Variants in SORCS2 observed in about 807,000 individuals in gnomAD.
SORCS2 encodes the protein VPS10 domain-containing receptor SorCS2.
SORCS2 carries 100 observed loss-of-function variants against 141.6 expected under a neutral mutation model. The observed-to-expected ratio is 0.71, with a 90% CI of 0.60 to 0.83. SORCS2 has a LOEUF of 0.83. SORCS2 is among the 40% of genes least tolerant of loss of function. SORCS2 has a pLI of 0.00. For synonymous variants in SORCS2, 789 were observed against 676.9 expected (o/e 1.17, Z -2.57); for missense variants, 1,646 against 1,560.2 (o/e 1.05, Z -0.93).
At position 7,227,879 on chromosome 4, in the gene SORCS2, C is replaced by T. The variant is rs115079014; in HGVS notation, c.480+34753C>T. Among the ~76,000 whole-genome samples, 1,221 of 152,268 alleles carry T rather than the reference C, an allele frequency of 8.0e-3. 12 individuals carry two copies. The highest frequency in any genetic ancestry group is 0.027 in the African/African-American group (1,137 of 41,538). On this transcript the variant is annotated intron_variant, in intron 1 of 26. Transcript: ENST00000507866. The stretch of plus-strand genomic sequence containing the variant: ...GAGGGCAGCTCCCTCCCTGGAGGTG[C>T]GGTGGGCTCAGGGTGCCGGGGAGGG...
intron 1 of SORCS2, among the ~76,000 whole-genome samples, chr4:7,235,920 C>T (rs183847357): frequency 3.9e-5 from 6 of 152,220 alleles, no homozygotes; most frequent in Admixed American, 6.5e-5. Context: ...ACTCTAGGTG[C>T]GAGTGTAAGG....
rs575547414 is a variant in SORCS2, at chr4:7,592,375, G to A, written c.649-45953G>A. ...GCAGTAATGAGCTTAGGCTCTGAGC[G>A]TTGGTGTCCTCATTCAAGAAACGGG... On this transcript the variant is annotated intron_variant, in intron 3 of 26. Transcript: ENST00000507866. 3.9e-5 allele frequency among the ~76,000 whole-genome samples: 6 copies of A among 152,168 alleles called. No homozygotes were observed. The South Asian group carries it at 6.2e-4, about 16-fold the overall frequency.
rs558968441 is a variant in SORCS2, at chr4:7,341,551, A to G, written c.481-54737A>G. Among the ~76,000 whole-genome samples the G allele has an allele frequency of 2.0e-5, 3 of 152,148 alleles. No individual in the cohort carries two copies. The South Asian group carries it at 6.2e-4, about 32-fold the overall frequency. ...AGCAGGAGGTGCCCATGCTGCCTGGATGAACAAGGGACCAGGAACTGTTTT... is the reference window on the plus strand; with the variant it reads ...AGCAGGAGGTGCCCATGCTGCCTGGGTGAACAAGGGACCAGGAACTGTTTT... On this transcript the variant is annotated intron_variant, in intron 1 of 26. Transcript: ENST00000507866.
At chr4:7,239,848 A>T (rs952865555) in intron 1 of SORCS2, among the ~76,000 whole-genome samples, 22 of 152,218 alleles carry the variant, frequency 1.4e-4, no homozygotes, top group Admixed American at 5.2e-4. Context: ...GAATTTGTCA[A>T]TGAGGGTGAA....
rs557906662 is a variant in SORCS2 at position 7,401,223 on chromosome 4, A to G, written c.548+4868A>G. ...GATATATGGATGGATGGGTGGGTGG[A>G]TGGATGGATGGATGGACAGATGAAT... On this transcript the variant is annotated intron_variant, in intron 2 of 26. Transcript: ENST00000507866. Among the ~76,000 whole-genome samples the G allele has an allele frequency of 2.6e-5, 4 of 151,934 alleles. No individual in the cohort carries two copies. The South Asian group carries it at 6.3e-4, about 24-fold the overall frequency.
intron 2 of SORCS2, among the ~76,000 whole-genome samples, chr4:7,454,500 G>GTGTGTTGGGGTCAGATGC (rs1728728592): frequency 7.9e-6 from 1 of 127,336 alleles, no homozygotes; most frequent in African/African-American, 2.9e-5. Context: ...GTCAGGTGCT[G>GTGTGTTGGGGTCAGATGC]TGTGTTGGGG....
intron 2 of SORCS2, among the ~76,000 whole-genome samples, chr4:7,501,458 G>A (rs1035188716): frequency 6.6e-6 from 1 of 152,210 alleles, no homozygotes; most frequent in Non-Finnish European, 1.5e-5. Flanking sequence ...CTCCCAGGGG[G>A]CAGGATTTAC....
intron 1 of SORCS2, among the ~76,000 whole-genome samples, chr4:7,344,928 G>C (rs1333642840): frequency 1.3e-5 from 2 of 152,006 alleles, no homozygotes. Context: ...TGCAGCTCTG[G>C]GGGCCACCCA....
intron 1 of SORCS2, among the ~76,000 whole-genome samples, chr4:7,272,991 A>G: frequency 6.6e-6 from 1 of 152,234 alleles, no homozygotes; most frequent in East Asian, 1.9e-4. Context: ...GGGATTTGCC[A>G]CATGGAACAG....
chr4:7,599,210 A>C (rs1717489478), intron 3 of SORCS2, among the ~76,000 whole-genome samples: 1 of 152,052 alleles, frequency 6.6e-6, no homozygotes, highest in South Asian at 2.1e-4. Flanking sequence ...TCCTGAGTGA[A>C]GTCAGCCTGA....
intron 2 of SORCS2, among the ~76,000 whole-genome samples, chr4:7,408,605 G>A (rs1465599595): frequency 6.6e-6 from 1 of 152,002 alleles, no homozygotes; most frequent in Non-Finnish European, 1.5e-5. Context: ...AATCTGTTTG[G>A]TGTTCTCTGA....
intron 2 of SORCS2, among the ~76,000 whole-genome samples, chr4:7,426,023 C>G (rs1416427939): frequency 6.6e-6 from 1 of 152,252 alleles, no homozygotes; most frequent in East Asian, 1.9e-4. Context: ...GGGCCAGCCC[C>G]TGGGTCTTCT....
intron 1 of SORCS2, among the ~76,000 whole-genome samples, chr4:7,319,857 G>A (rs899893239): frequency 4.6e-5 from 7 of 152,370 alleles, no homozygotes; most frequent in Admixed American, 2.0e-4. Flanking sequence ...CACCTTGGCC[G>A]GGGCCTGTAC....
chr4:7,646,737 AC>A (rs1360736483), intron 4 of SORCS2, among the ~76,000 whole-genome samples: 1 of 152,204 alleles, frequency 6.6e-6, no homozygotes, highest in African/African-American at 2.4e-5. Flanking sequence ...CCCTGCCGAT[AC>A]CTTGATCTTG....
At chr4:7,501,913 G>A (rs1221030233) in intron 2 of SORCS2, among the ~76,000 whole-genome samples, 2 of 152,230 alleles carry the variant, frequency 1.3e-5, no homozygotes, top group African/African-American at 4.8e-5. Context: ...CTCCCACAAC[G>A]AGCACAGCTT....
At chr4:7,276,435 A>G (rs1297457428) in intron 1 of SORCS2, among the ~76,000 whole-genome samples, 1 of 151,978 alleles carries the variant, frequency 6.6e-6, no homozygotes, top group Non-Finnish European at 1.5e-5. Flanking sequence ...AACGGGCTTC[A>G]TGTTCAGTCT....
At chr4:7,610,833 C>T (rs557978579) in intron 3 of SORCS2, among the ~76,000 whole-genome samples, 6 of 152,214 alleles carry the variant, frequency 3.9e-5, no homozygotes, top group African/African-American at 7.2e-5. Context: ...AGAGCAGCCC[C>T]GATCCTGTGG....
chr4:7,660,500 C>A (rs1722088678), intron 5 of SORCS2, among the ~76,000 whole-genome samples: 2 of 152,224 alleles, frequency 1.3e-5, no homozygotes, highest in Admixed American at 1.3e-4. Context: ...GCTGGGACCA[C>A]CCCCAAAGGA....
chr4:7,442,928 G>T (rs1228463582), intron 2 of SORCS2, among the ~76,000 whole-genome samples: 1 of 152,118 alleles, frequency 6.6e-6, no homozygotes, highest in African/African-American at 2.4e-5. Flanking sequence ...CTGCGGGGAG[G>T]CTCCTTCCTG....
Sources: allele counts gnomAD v4.1 joint callset (sites outside exome capture counted in the v4.1 genomes callset), GRCh38; gene constraint gnomAD v4.1.1; transcripts MANE v1.5; gene names NCBI Gene and HGNC (gene_info 2026-07-23, HGNC 2026-07-21).